DSCAM: variants seen among roughly 807,000 people sequenced by gnomAD.
The protein encoded by DSCAM is cell adhesion molecule DSCAM.
In DSCAM, 47 loss-of-function variants were observed where a neutral mutation model predicts 217.7. The observed-to-expected ratio is 0.22, with a 90% CI of 0.17 to 0.28. DSCAM has a LOEUF of 0.28. Among genes scored for constraint, DSCAM ranks in the 10% least tolerant of loss-of-function variants. The pLI, the probability that DSCAM is intolerant of heterozygous loss-of-function variation, is 1.00. For synonymous variants in DSCAM, 1,056 were observed against 1,015.3 expected, an observed-to-expected ratio of 1.04 and a Z score of -0.76; for missense variants, 2,080 against 2,618.3, an observed-to-expected ratio of 0.79 and a Z score of 4.49.
chr21:40,588,843 G>T (rs2076964469), intron 3 of DSCAM, among the ~76,000 whole-genome samples: 2 of 152,066 alleles, frequency 1.3e-5, no homozygotes, highest in Admixed American at 6.5e-5. Flanking sequence ...GACAGAGGAA[G>T]AAAAAGAAAA....
At chr21:40,215,806 A>T (rs1272545195) in intron 11 of DSCAM, among the ~76,000 whole-genome samples, 1 of 152,198 alleles carries the variant, frequency 6.6e-6, no homozygotes, top group Non-Finnish European at 1.5e-5. Context: ...AAAGAAAAAA[A>T]TTAACTAATT....
At chr21:40,345,623 C>T (rs2074549322) in intron 6 of DSCAM, among the ~76,000 whole-genome samples, 2 of 152,120 alleles carry the variant, frequency 1.3e-5, no homozygotes, top group Non-Finnish European at 2.9e-5. Context: ...TCCATTGTAT[C>T]TATCCTCAGT....
intron 30 of DSCAM, among the ~76,000 whole-genome samples, chr21:40,048,589 G>T (rs2146490699): frequency 6.6e-6 from 1 of 152,318 alleles, no homozygotes; most frequent in East Asian, 1.9e-4. Flanking sequence ...CTACAATGCA[G>T]TCATTCTGGT....
chr21:40,557,521 A>AT, intron 3 of DSCAM, among the ~76,000 whole-genome samples: 1 of 151,724 alleles, frequency 6.6e-6, no homozygotes, highest in Non-Finnish European at 1.5e-5. Flanking sequence ...GGCCCGGCTA[A>AT]TTTTTTGTAT....
At chr21:40,389,155 T>C (rs2075112315) in intron 3 of DSCAM, among the ~76,000 whole-genome samples, 1 of 152,238 alleles carries the variant, frequency 6.6e-6, no homozygotes, top group Non-Finnish European at 1.5e-5. Context: ...TACATTTTGC[T>C]CATTTTTATA....
intron 3 of DSCAM, among the ~76,000 whole-genome samples, chr21:40,651,939 C>G (rs2090018935): frequency 6.6e-6 from 1 of 152,162 alleles, no homozygotes; most frequent in South Asian, 2.1e-4. Context: ...GGGACAGGCA[C>G]AAAAGAGGTC....
chr21:40,618,254 GAATA>G (rs1307399430), intron 3 of DSCAM, among the ~76,000 whole-genome samples: 9 of 152,262 alleles, frequency 5.9e-5, no homozygotes, highest in African/African-American at 2.2e-4. Flanking sequence ...AACGAAGAAG[GAATA>G]AATACATTTT....
At chr21:40,298,273 G>A (rs2073977611) in intron 9 of DSCAM, among the ~76,000 whole-genome samples, 1 of 151,954 alleles carries the variant, frequency 6.6e-6, no homozygotes, top group Non-Finnish European at 1.5e-5. Context: ...AATAGAGATG[G>A]GGTTTTACCA....
intron 27 of DSCAM, among the ~76,000 whole-genome samples, chr21:40,071,244 A>T (rs1474527556): frequency 6.6e-6 from 1 of 152,166 alleles, no homozygotes. Flanking sequence ...ATTAAAAGCA[A>T]AATGCGGCTC....
intron 1 of DSCAM, among the ~76,000 whole-genome samples, chr21:40,745,008 C>G (rs1049010959): frequency 1.3e-5 from 2 of 152,046 alleles, no homozygotes; most frequent in Non-Finnish European, 2.9e-5. Flanking sequence ...AATACAATAA[C>G]TGAACTTATT....
At chr21:40,617,459 C>T (rs957326148) in intron 3 of DSCAM, among the ~76,000 whole-genome samples, 5 of 152,082 alleles carry the variant, frequency 3.3e-5, no homozygotes, top group African/African-American at 1.2e-4. Context: ...CTGCTGCCAT[C>T]ACAGAACACC....
At chr21:40,257,762 G>A (rs965537722) in intron 11 of DSCAM, among the ~76,000 whole-genome samples, 8 of 152,132 alleles carry the variant, frequency 5.3e-5, no homozygotes, top group African/African-American at 1.9e-4. Context: ...TAATGCTCAT[G>A]CACTTACCCT....
At chr21:40,390,607 C>G (rs1315230734) in intron 3 of DSCAM, among the ~76,000 whole-genome samples, 1 of 152,118 alleles carries the variant, frequency 6.6e-6, no homozygotes, top group East Asian at 1.9e-4. Context: ...AGGTCCGTAC[C>G]TACTCCAATG....
intron 1 of DSCAM, among the ~76,000 whole-genome samples, chr21:40,789,030 C>T (rs939364592): frequency 4.6e-5 from 7 of 151,960 alleles, no homozygotes; most frequent in Admixed American, 3.3e-4. Context: ...GGCGCATAGT[C>T]GGTATTCATT....
chr21:40,363,831 A>G (rs559174008), intron 4 of DSCAM, among the ~76,000 whole-genome samples: 1 of 152,206 alleles, frequency 6.6e-6, no homozygotes, highest in Admixed American at 6.5e-5. Flanking sequence ...ACAAATTTAC[A>G]AGAAAAACAA....
chr21:40,757,266 C>T (rs1007882774), intron 1 of DSCAM, among the ~76,000 whole-genome samples: 3 of 152,120 alleles, frequency 2.0e-5, no homozygotes, highest in Non-Finnish European at 4.4e-5. Flanking sequence ...ACCTCGTGAT[C>T]CACCCGTCTC....
intron 11 of DSCAM, among the ~76,000 whole-genome samples, chr21:40,218,474 G>A (rs772810668): frequency 2.0e-5 from 3 of 152,092 alleles, no homozygotes; most frequent in Non-Finnish European, 4.4e-5. Flanking sequence ...TTGGCTTTCA[G>A]GCCCTTTTTT....
In DSCAM at chr21:40,620,937, T is replaced by C. The variant is rs375125665; in HGVS notation, c.508+71873A>G. ...GCGTGCACTGATGCGTGTGACGACA[T>C]TGATGGATCTCAGATGCATTATAAG... On this transcript the variant is annotated intron_variant, in intron 3 of 32. Coordinates refer to ENST00000400454, the MANE Select transcript of DSCAM (RefSeq NM_001389.5). Among the ~76,000 whole-genome samples, 143 of 152,316 alleles carry C rather than the reference T, an allele frequency of 9.4e-4. No homozygotes were observed. The Middle Eastern group carries it at 0.01, about 11-fold the overall frequency.
At chr21:40,270,434 G>T (rs2073600197) in intron 11 of DSCAM, among the ~76,000 whole-genome samples, 1 of 152,200 alleles carries the variant, frequency 6.6e-6, no homozygotes, top group Admixed American at 6.5e-5. Context: ...ATAAATTGTT[G>T]GGGGAGGACT....
Sources: allele counts gnomAD v4.1 joint callset (sites outside exome capture counted in the v4.1 genomes callset), GRCh38; gene constraint gnomAD v4.1.1; transcripts MANE v1.5; gene names NCBI Gene and HGNC (gene_info 2026-07-23, HGNC 2026-07-21).